The following HAVCR1 variants were observed in gnomAD, a reference collection of about 807,000 sequenced individuals.
HAVCR1 encodes hepatitis A virus cellular receptor 1.
A neutral mutation model predicts 32.0 loss-of-function variants in HAVCR1; 34 were observed. The ratio of observed to expected loss-of-function variants is 1.06; its 90% confidence interval spans 0.81 to 1.42. HAVCR1 has a LOEUF of 1.42. Ranked by LOEUF, HAVCR1 falls within the 40% of genes most tolerant of loss-of-function variation. The pLI is 0.00. For synonymous variants in HAVCR1, 178 were observed against 170.3 expected (o/e 1.05, Z -0.35); for missense variants, 420 against 442.3 (o/e 0.95, Z 0.45).
At chr5:157,039,431 C>A in intron 6 of HAVCR1, among the ~76,000 whole-genome samples, 1 of 152,190 alleles carries the variant, frequency 6.6e-6, no homozygotes. Context: ...TCACTGCAAT[C>A]TCCACCTCCT....
upstream of HAVCR1, among the ~76,000 whole-genome samples, chr5:157,062,301 A>T (rs1456297444): frequency 1.3e-5 from 2 of 152,202 alleles, no homozygotes; most frequent in Non-Finnish European, 2.9e-5. Context: ...CGAACCCGGG[A>T]GGTGGAGGTT....
At chr5:157,053,963 T>C (rs1161634058) in intron 3 of HAVCR1, among the ~76,000 whole-genome samples, 2 of 151,780 alleles carry the variant, frequency 1.3e-5, no homozygotes, top group Non-Finnish European at 2.9e-5. Flanking sequence ...AGTGGATCAC[T>C]TGAGCCCAGA....
upstream of HAVCR1, among the ~76,000 whole-genome samples, chr5:157,064,016 G>C (rs1401255488): frequency 6.6e-6 from 1 of 152,188 alleles, no homozygotes; most frequent in African/African-American, 2.4e-5. Context: ...ATGGGGCTTA[G>C]GAGCCATATT....
intron 4 of HAVCR1, among the ~76,000 whole-genome samples, chr5:157,049,620 G>T (rs1420704549): frequency 2.0e-5 from 3 of 152,160 alleles, no homozygotes; most frequent in Non-Finnish European, 4.4e-5. Context: ...CCCATTCTGG[G>T]TTTCCTGGCC....
the HAVCR1 span, among the ~76,000 whole-genome samples, chr5:157,066,862 G>A: frequency 6.6e-6 from 1 of 152,164 alleles, no homozygotes; most frequent in Non-Finnish European, 1.5e-5. Context: ...TGAGGCAGGC[G>A]GATCACTGGA....
intron 5 of HAVCR1, among the ~76,000 whole-genome samples, chr5:157,048,723 G>A (rs941664974): frequency 3.9e-5 from 6 of 152,066 alleles, no homozygotes; most frequent in Non-Finnish European, 5.9e-5. Context: ...CCAGCTACTC[G>A]GGAGGCTGAG....
chr5:157,037,027 G>C (rs1256730039), intron 7 of HAVCR1, among the ~76,000 whole-genome samples: 1 of 152,008 alleles, frequency 6.6e-6, no homozygotes, highest in Non-Finnish European at 1.5e-5. Flanking sequence ...CCCACACCCA[G>C]CTCCCATTCT....
intron 6 of HAVCR1, among the ~76,000 whole-genome samples, 183 bp downstream of exon 6, chr5:157,042,441 CAAA>C (rs144701880): frequency 0.028 from 3,160 of 113,314 alleles, 46 homozygotes; most frequent in Non-Finnish European, 0.039. Context: ...GACTCCGTCT[CAAA>C]AAAAAAAAAA....
Position 157,042,640 on chromosome 5 carries a change from T to C in HAVCR1, c.824A>G (p.Asn275Ser). 1 of 1,594,212 alleles carries C rather than the reference T, an allele frequency of 6.3e-7. No individual in the cohort carries two copies. The highest frequency in any genetic ancestry group is 1.1e-5 in the South Asian group (1 of 90,224). The change falls in exon 6 of 9, where the codon AAT becomes AGT. Residue 275 changes from asparagine to serine, a missense_variant. Transcript: ENST00000523175. ...GAATATGCTTACAGTTTGATTGTTA[T>C]TCCAAAGGCCATCTGAAGACTCTGT... is the stretch of plus-strand genomic sequence containing the variant. ...TVTESSDGLW[N>S]NNQTQLFLEH...
chr5:157,044,615 G>GAAAGAGAAAGAAAGAAAGAAAGAAAA (rs760337335), intron 5 of HAVCR1, among the ~76,000 whole-genome samples: 29 of 52,726 alleles, frequency 5.5e-4, no homozygotes, highest in Non-Finnish European at 1.0e-3. Context: ...AAGAAAGAAA[G>GAAAGAGAAAGAAAGAAAGAAAGAAAA]AGAAAGAAAG....
At chr5:157,050,782 G>A (rs1053345030) in intron 4 of HAVCR1, among the ~76,000 whole-genome samples, 1 of 152,172 alleles carries the variant, frequency 6.6e-6, no homozygotes, top group African/African-American at 2.4e-5. Flanking sequence ...GAACAAAACT[G>A]TTTTTCTTAC....
the HAVCR1 span, among the ~76,000 whole-genome samples, chr5:157,065,962 A>G: frequency 6.6e-6 from 1 of 151,348 alleles, no homozygotes; most frequent in East Asian, 1.9e-4. Context: ...AGGCTGAGGC[A>G]GGAGAATGGC....
chr5:157,059,398 G>A (rs550838632), upstream of HAVCR1, among the ~76,000 whole-genome samples: 3 of 152,288 alleles, frequency 2.0e-5, no homozygotes, highest in East Asian at 1.9e-4. Flanking sequence ...TTTCTTGACC[G>A]GGCATGGTGG....
At chr5:157,041,384 G>C (rs985247946) in intron 6 of HAVCR1, among the ~76,000 whole-genome samples, 1 of 152,030 alleles carries the variant, frequency 6.6e-6, no homozygotes, top group Admixed American at 6.6e-5. Context: ...TGTAATCCTA[G>C]CTACTTGGAA....
chr5:157,043,919 A>G (rs1216288162), intron 5 of HAVCR1, among the ~76,000 whole-genome samples: 1 of 152,250 alleles, frequency 6.6e-6, no homozygotes, highest in African/African-American at 2.4e-5. Flanking sequence ...ACTTAGGTCT[A>G]TGAAATTCTG....
In HAVCR1 at chr5:157,029,531, T is replaced by A. The variant is rs1754038599; in HGVS notation, c.*202A>T. 4 of 1,330,084 alleles carry A rather than the reference T, an allele frequency of 3.0e-6. No individual in the cohort carries two copies. The South Asian group carries it at 5.1e-5, about 17-fold the overall frequency. The allele number at this position is 1,330,084 out of a possible 1,614,324, so 82.4% of individuals were successfully genotyped here. A position where few individuals can be genotyped will look rare whatever the true frequency, so the allele number is the denominator to read the frequency against. Reference sequence around the variant, plus strand: ...ATTGAGCCAGTTTTAGCATAAAAAATTAGGACTACATTAATGATGAGGTTG... The same window carrying A: ...ATTGAGCCAGTTTTAGCATAAAAAAATAGGACTACATTAATGATGAGGTTG... On this transcript the variant is annotated 3_prime_UTR_variant, in exon 9 of 9. Transcript: ENST00000523175.
At chr5:157,061,273 G>C (rs1238809774), upstream of HAVCR1, among the ~76,000 whole-genome samples, 1 of 152,088 alleles carries the variant, frequency 6.6e-6, no homozygotes, top group Non-Finnish European at 1.5e-5. Context: ...TCGGGGAGTT[G>C]AGATGGCACC....
At chr5:157,044,847 T>C (rs961714207) in intron 5 of HAVCR1, among the ~76,000 whole-genome samples, 3 of 148,074 alleles carry the variant, frequency 2.0e-5, no homozygotes, top group Non-Finnish European at 3.0e-5. Flanking sequence ...CCGGAGTCAA[T>C]AAAATTTCAG....
intron 4 of HAVCR1, 48 bp downstream of exon 4, chr5:157,052,313 C>A: frequency 6.4e-7 from 1 of 1,552,392 alleles, no homozygotes; most frequent in Non-Finnish European, 8.9e-7. Context: ...GGATGGTCCG[C>A]AGCTCCTCAT....
Sources: allele counts gnomAD v4.1 joint callset (sites outside exome capture counted in the v4.1 genomes callset), GRCh38; gene constraint gnomAD v4.1.1; transcripts MANE v1.5; gene names NCBI Gene and HGNC (gene_info 2026-07-23, HGNC 2026-07-21).